The following BRINP3 variants were observed in gnomAD, a reference collection of about 807,000 sequenced individuals.
BRINP3 encodes BMP/retinoic acid inducible neural specific 3, also known as BMP/retinoic acid-inducible neural-specific protein 3.
Under a neutral mutation model 71.0 loss-of-function variants are expected in BRINP3, and 19 were observed. The ratio of observed to expected loss-of-function variants is 0.27; its 90% CI spans 0.19 to 0.39. The LOEUF (loss-of-function observed/expected upper bound fraction) is 0.39, where lower values mean the gene tolerates loss of function less well. Among genes scored for constraint, BRINP3 ranks in the 10% least tolerant of loss-of-function variants. The pLI is 1.00. For missense variants in BRINP3, 959 were observed against 940.8 expected, an observed-to-expected ratio of 1.02 and a Z score of -0.25; for synonymous variants, 380 against 337.7, an observed-to-expected ratio of 1.13 and a Z score of -1.37.
intron 2 of BRINP3, among the ~76,000 whole-genome samples, chr1:190,368,336 A>AG (rs1306779218): frequency 2.0e-5 from 3 of 152,078 alleles, no homozygotes; most frequent in Non-Finnish European, 4.4e-5. Context: ...GAATATCATG[A>AG]GGGTCACCAC....
chr1:190,103,829 C>A (rs1651908752), intron 7 of BRINP3, among the ~76,000 whole-genome samples: 1 of 151,400 alleles, frequency 6.6e-6, no homozygotes, highest in South Asian at 2.1e-4. Context: ...CACACTAAAG[C>A]CTGTCATAAT....
intron 7 of BRINP3, among the ~76,000 whole-genome samples, chr1:190,136,892 CCAGT>C (rs1323066309): frequency 2.6e-5 from 4 of 151,748 alleles, no homozygotes; most frequent in African/African-American, 9.7e-5. Flanking sequence ...TGAAATTCAA[CCAGT>C]CATTTATTTA....
rs546353755 is a variant in BRINP3 at position 190,168,163 on chromosome 1, C to T, written c.962-7273G>A. ...TTTAGAGTTTACTAATCAGATCATGCGCATTGACAAATACATGACCAGTGC... is the reference window on the plus strand; with the variant it reads ...TTTAGAGTTTACTAATCAGATCATGTGCATTGACAAATACATGACCAGTGC... On this transcript the variant is annotated intron_variant, in intron 6 of 7. Coordinates refer to ENST00000367462, the MANE Select transcript of BRINP3 (RefSeq NM_199051.3). Among the ~76,000 whole-genome samples the T allele has an allele frequency of 5.3e-5, 8 of 151,960 alleles. No homozygotes were observed. The South Asian group carries it at 6.2e-4, about 12-fold the overall frequency.
chr1:190,429,263 T>C (rs1461116251), intron 2 of BRINP3, among the ~76,000 whole-genome samples: 1 of 152,174 alleles, frequency 6.6e-6, no homozygotes, highest in Non-Finnish European at 1.5e-5. Context: ...TGTGCAAAGA[T>C]ACTCATTTCA....
chr1:190,299,840 G>C (rs1157176476), intron 2 of BRINP3, among the ~76,000 whole-genome samples: 3 of 151,872 alleles, frequency 2.0e-5, no homozygotes, highest in Non-Finnish European at 4.4e-5. Context: ...GAAATTCTGG[G>C]TTGAAAATTC....
At chr1:190,171,888 C>T (rs1445023335) in intron 6 of BRINP3, among the ~76,000 whole-genome samples, 1 of 151,866 alleles carries the variant, frequency 6.6e-6, no homozygotes, top group East Asian at 1.9e-4. Flanking sequence ...AGGAGAATTG[C>T]TTGACACCAG....
intron 7 of BRINP3, among the ~76,000 whole-genome samples, chr1:190,150,768 G>A (rs1167744605): frequency 3.3e-5 from 5 of 152,050 alleles, no homozygotes; most frequent in African/African-American, 9.7e-5. Context: ...ATGCATGCAC[G>A]ATTATATTTT....
chr1:190,109,584 T>C (rs1652490728), intron 7 of BRINP3, among the ~76,000 whole-genome samples: 1 of 152,220 alleles, frequency 6.6e-6, no homozygotes, highest in South Asian at 2.1e-4. Context: ...TGTGAGGGTG[T>C]TTCCAGAAGA....
intron 7 of BRINP3, among the ~76,000 whole-genome samples, chr1:190,131,578 C>T (rs1224444925): frequency 6.6e-6 from 1 of 151,984 alleles, no homozygotes; most frequent in Non-Finnish European, 1.5e-5. Flanking sequence ...CTGTGAAAAA[C>T]TTTGTCATCT....
At chr1:190,353,378 AG>A (rs1668526403) in intron 2 of BRINP3, among the ~76,000 whole-genome samples, 1 of 152,034 alleles carries the variant, frequency 6.6e-6, no homozygotes, top group Non-Finnish European at 1.5e-5. Context: ...ACTAAGTAAA[AG>A]TATGGTTTTT....
chr1:190,319,038 T>G (rs1259787339), intron 2 of BRINP3, among the ~76,000 whole-genome samples: 2 of 152,138 alleles, frequency 1.3e-5, no homozygotes, highest in African/African-American at 4.8e-5. Context: ...GTGAAACACT[T>G]TTCTGCTTAG....
At chr1:190,395,603 AAATT>A (rs1167710979) in intron 2 of BRINP3, among the ~76,000 whole-genome samples, 4 of 151,812 alleles carry the variant, frequency 2.6e-5, no homozygotes, top group African/African-American at 9.7e-5. Context: ...ATATATGACT[AAATT>A]AAGAAACATA....
Position 190,143,187 on chromosome 1 carries a change from T to C in BRINP3, c.1184+17481A>G, listed in dbSNP as rs192427771. On this transcript the variant is annotated intron_variant, in intron 7 of 7. Transcript: ENST00000367462. ...CTATATACTTGTCCGATTATCTTTC[T>C]AAAGATTTTTGGCTTATGGAGAACA... Among the ~76,000 whole-genome samples the C allele has an allele frequency of 3.9e-5, 6 of 152,326 alleles. No individual in the cohort carries two copies. The East Asian group carries it at 1.2e-3, about 29-fold the overall frequency.
intron 7 of BRINP3, among the ~76,000 whole-genome samples, chr1:190,150,291 C>T (rs374877372): frequency 7.0e-6 from 1 of 142,976 alleles, no homozygotes; most frequent in Non-Finnish European, 1.5e-5. Flanking sequence ...TGTGTGTGTA[C>T]ATACATAGAT....
chr1:190,381,540 T>C (rs911117515), intron 2 of BRINP3, among the ~76,000 whole-genome samples: 2 of 152,208 alleles, frequency 1.3e-5, no homozygotes, highest in African/African-American at 4.8e-5. Flanking sequence ...TTAATATGTC[T>C]AACTTTACTA....
chr1:190,455,170 T>A (rs764452325), intron 1 of BRINP3, among the ~76,000 whole-genome samples: 1 of 152,168 alleles, frequency 6.6e-6, no homozygotes, highest in African/African-American at 2.4e-5. Flanking sequence ...TAACAGACTT[T>A]GTCATAACAA....
intron 2 of BRINP3, among the ~76,000 whole-genome samples, chr1:190,322,746 T>C (rs1666327767): frequency 6.6e-6 from 1 of 152,050 alleles, no homozygotes; most frequent in Non-Finnish European, 1.5e-5. Flanking sequence ...ACCAAATAGA[T>C]ATGCATATAA....
chr1:190,311,928 T>C (rs947480087), intron 2 of BRINP3, among the ~76,000 whole-genome samples: 1 of 149,724 alleles, frequency 6.7e-6, no homozygotes, highest in East Asian at 2.0e-4. Flanking sequence ...AGAGGCATGT[T>C]GATCATATTA....
chr1:190,279,230 T>C (rs980040530), intron 3 of BRINP3, among the ~76,000 whole-genome samples: 17 of 151,938 alleles, frequency 1.1e-4, no homozygotes, highest in East Asian at 1.9e-4. Flanking sequence ...CTAAGCCAAA[T>C]AGACACAGCT....
Sources: gnomAD v4.1 joint callset for allele counts (sites outside exome capture counted in the v4.1 genomes callset) on GRCh38, gnomAD v4.1.1 for gene constraint, MANE v1.5 for transcripts, NCBI Gene and HGNC (gene_info 2026-07-23, HGNC 2026-07-21) for gene names.